Variants in PDS5B observed in about 807,000 individuals in gnomAD.
PDS5B encodes the protein PDS5 cohesin associated factor B, also known as sister chromatid cohesion protein PDS5 homolog B.
PDS5B carries 51 observed loss-of-function variants against 184.1 expected under a neutral mutation model. The ratio of observed to expected loss-of-function variants is 0.28; its 90% CI spans 0.22 to 0.35. PDS5B has a LOEUF of 0.35. Among genes scored for constraint, PDS5B ranks in the 10% least tolerant of loss-of-function variants. PDS5B has a pLI of 1.00. For missense variants in PDS5B, 1,180 were observed against 1,723.3 expected, an observed-to-expected ratio of 0.68 and a Z score of 5.58; for synonymous variants, 566 against 569.2, an observed-to-expected ratio of 0.99 and a Z score of 0.08.
intron 1 of PDS5B, among the ~76,000 whole-genome samples, chr13:32,645,974 G>A (rs543446394): frequency 1.2e-3 from 176 of 150,736 alleles, no homozygotes; most frequent in Non-Finnish European, 2.0e-3. Context: ...TCACTTTGAT[G>A]TGTGTGTGTG....
At chr13:32,617,917 TA>T (rs2058242247) in intron 1 of PDS5B, among the ~76,000 whole-genome samples, 1 of 152,202 alleles carries the variant, frequency 6.6e-6, no homozygotes, top group Non-Finnish European at 1.5e-5. Context: ...TAATTTTTTA[TA>T]AAGAGCAGAA....
intron 3 of PDS5B, among the ~76,000 whole-genome samples, chr13:32,652,981 AG>A (rs1448368962): frequency 2.6e-5 from 4 of 152,194 alleles, no homozygotes; most frequent in Admixed American, 6.5e-5. Flanking sequence ...CAGATCAGGT[AG>A]GAATTAAAAA....
chr13:32,627,667 A>C (rs75242855), intron 1 of PDS5B, among the ~76,000 whole-genome samples: 2,962 of 152,344 alleles, frequency 0.019, 69 homozygotes, highest in African/African-American at 0.061. Flanking sequence ...ATGAATCTGT[A>C]AAGAACAGAT....
At chr13:32,724,158 C>G (rs956639520) in intron 19 of PDS5B, among the ~76,000 whole-genome samples, 1 of 152,090 alleles carries the variant, frequency 6.6e-6, no homozygotes, top group Non-Finnish European at 1.5e-5. Flanking sequence ...GGTCTGTTGC[C>G]CAGACTGGAG....
At chr13:32,770,845 T>G in intron 33 of PDS5B, 84 bp downstream of exon 33, 1 of 1,005,448 alleles carries the variant, frequency 9.9e-7, no homozygotes, top group Non-Finnish European at 1.5e-6. Context: ...TATTGCTGTA[T>G]TTAAATTCCA....
intron 19 of PDS5B, among the ~76,000 whole-genome samples, chr13:32,727,843 T>C (rs1952963461): frequency 6.6e-6 from 1 of 151,944 alleles, no homozygotes; most frequent in East Asian, 1.9e-4. Flanking sequence ...AAATTGGCCA[T>C]TATTATTTTG....
intron 10 of PDS5B, among the ~76,000 whole-genome samples, chr13:32,679,926 C>T (rs1042438584): frequency 2.9e-4 from 36 of 123,144 alleles, no homozygotes; most frequent in Non-Finnish European, 5.3e-4. Flanking sequence ...TCTGTTTCTA[C>T]ACCTCCCCTT....
At chr13:32,648,330 A>T (rs1950279289) in intron 1 of PDS5B, among the ~76,000 whole-genome samples, 1 of 152,156 alleles carries the variant, frequency 6.6e-6, no homozygotes, top group Non-Finnish European at 1.5e-5. Context: ...ACTGAATCCC[A>T]CATTTGTCAG....
At chr13:32,698,248 T>C (rs1041055723) in intron 15 of PDS5B, among the ~76,000 whole-genome samples, 20 of 152,172 alleles carry the variant, frequency 1.3e-4, no homozygotes, top group African/African-American at 2.7e-4. Flanking sequence ...GCTTTTTTTT[T>C]CTGAAATAAT....
Position 32,735,295 on chromosome 13 carries a change from A to C in PDS5B, c.2371A>C (p.Thr791Pro), listed in dbSNP as rs1953291594. The change falls in exon 21 of 35, where the codon ACT (threonine) becomes CCT (proline). Residue 791 changes from threonine to proline, a missense_variant. Transcript: ENST00000315596. ...FAAPLKSLVA[T>P]FIVKDLLMND... ...TGCTCCTTTGAAATCTTTGGTAGCT[A>C]CTTTCATTGTGAAAGATCTTCTCAT... 6.2e-7 allele frequency: 1 copy of C among 1,611,864 alleles called. No individual in the cohort carries two copies. The highest frequency in any genetic ancestry group is 1.3e-5 in the African/African-American group (1 of 74,850).
intron 10 of PDS5B, among the ~76,000 whole-genome samples, chr13:32,679,530 G>C (rs973351949): frequency 6.6e-6 from 1 of 152,114 alleles, no homozygotes; most frequent in Non-Finnish European, 1.5e-5. Context: ...CAGCTACTCA[G>C]GAGGCTGAGG....
At chr13:32,741,999 C>A (rs1294774329) in intron 22 of PDS5B, among the ~76,000 whole-genome samples, 1 of 152,026 alleles carries the variant, frequency 6.6e-6, no homozygotes, top group African/African-American at 2.4e-5. Context: ...ACCAACTGGC[C>A]AGGAAAGAGA....
chr13:32,743,972 C>T (rs995506479), intron 23 of PDS5B, among the ~76,000 whole-genome samples: 1 of 151,826 alleles, frequency 6.6e-6, no homozygotes, highest in African/African-American at 2.4e-5. Context: ...CCTTATAAAT[C>T]AATTTATTAA....
chr13:32,688,471 G>A lies in PDS5B; in HGVS notation c.1371G>A (p.Arg457=). 1.9e-6 allele frequency: 3 copies of A among 1,583,820 alleles called. No individual in the cohort carries two copies. Among genetic ancestry groups the A allele is most frequent in the Non-Finnish European group, 2.6e-6 (3 of 1,159,300 alleles). The change falls in exon 13 of 35, where the codon CGG becomes CGA. Residue 457 remains arginine (R), a synonymous_variant. Coordinates refer to ENST00000315596, the MANE Select transcript of PDS5B (RefSeq NM_015032.4). ...NSIDDRLLVE[R]IFAQYMVPHN... Reference sequence around the variant, plus strand: ...TTTTTTGTAGACTACTTGTTGAACGGATCTTTGCTCAATACATGGTTCCTC... The same window carrying A: ...TTTTTTGTAGACTACTTGTTGAACGAATCTTTGCTCAATACATGGTTCCTC...
chr13:32,674,947 T>C (rs1951027509), intron 8 of PDS5B, among the ~76,000 whole-genome samples: 1 of 151,848 alleles, frequency 6.6e-6, no homozygotes, highest in Non-Finnish European at 1.5e-5. Context: ...TCTTCTTATT[T>C]TAATTTTTTT....
intron 1 of PDS5B, among the ~76,000 whole-genome samples, chr13:32,590,513 G>C (rs774467283): frequency 2.6e-5 from 4 of 152,158 alleles, no homozygotes; most frequent in Non-Finnish European, 4.4e-5. Context: ...GGCAGTTGAG[G>C]TTGCTCTTTT....
At chr13:32,672,503 A>G (rs1468219414) in intron 7 of PDS5B, among the ~76,000 whole-genome samples, 1 of 152,224 alleles carries the variant, frequency 6.6e-6, no homozygotes, top group East Asian at 1.9e-4. Flanking sequence ...ATGAGATTAC[A>G]GAGTCTGAGA....
At chr13:32,619,320 A>C (rs1446716481) in intron 1 of PDS5B, among the ~76,000 whole-genome samples, 1 of 152,236 alleles carries the variant, frequency 6.6e-6, no homozygotes, top group African/African-American at 2.4e-5. Flanking sequence ...CAGGGTGTAC[A>C]TAGGCTATAC....
intron 21 of PDS5B, among the ~76,000 whole-genome samples, chr13:32,736,884 G>A (rs77015085): frequency 0.033 from 5,051 of 151,976 alleles, 235 homozygotes; most frequent in African/African-American, 0.11. Flanking sequence ...GTTTTGTCTA[G>A]TCGTACCTAA....
Sources: allele counts gnomAD v4.1 joint callset (sites outside exome capture counted in the v4.1 genomes callset), GRCh38; gene constraint gnomAD v4.1.1; transcripts MANE v1.5; gene names NCBI Gene and HGNC (gene_info 2026-07-23, HGNC 2026-07-21).